Variants in TLE1 observed in about 807,000 individuals in gnomAD.
TLE1 encodes the protein transducin-like enhancer protein 1.
A neutral mutation model predicts 89.8 loss-of-function variants in TLE1; 21 were observed. The observed-to-expected ratio is 0.23, with a 90% CI of 0.17 to 0.34. The LOEUF (loss-of-function observed/expected upper bound fraction) is 0.34. TLE1 is among the 10% of genes least tolerant of loss of function. The pLI, the probability that TLE1 is intolerant of heterozygous loss-of-function variation, is 1.00. For synonymous variants in TLE1, 447 were observed against 407.6 expected (o/e 1.10, Z -1.16); for missense variants, 795 against 1,031.2 (o/e 0.77, Z 3.14).
chr9:81,637,769 C>T (rs1372858484), intron 6 of TLE1, among the ~76,000 whole-genome samples: 2 of 150,930 alleles, frequency 1.3e-5, no homozygotes, highest in African/African-American at 4.9e-5. Flanking sequence ...ACCTCATATT[C>T]GACTTCTTGT....
At chr9:81,593,838 G>A (rs1374947823) in intron 14 of TLE1, among the ~76,000 whole-genome samples, 2 of 152,120 alleles carry the variant, frequency 1.3e-5, no homozygotes, top group South Asian at 2.1e-4. Context: ...ATCTTATATG[G>A]CTGTAAACAG....
intron 1 of TLE1, among the ~76,000 whole-genome samples, chr9:81,687,956 G>A (rs1019271238): frequency 2.0e-5 from 3 of 152,114 alleles, no homozygotes; most frequent in African/African-American, 4.8e-5. Context: ...TATGGCTGCA[G>A]GAGAGAAACC....
chr9:81,585,466 G>T, intron 18 of TLE1, 39 bp downstream of exon 18: 2 of 1,591,432 alleles, frequency 1.3e-6, no homozygotes, highest in Non-Finnish European at 1.7e-6. Context: ...TTCCATTTGG[G>T]CCATCAACGG....
intron 6 of TLE1, among the ~76,000 whole-genome samples, chr9:81,650,572 G>A (rs1423375857): frequency 2.0e-5 from 3 of 152,158 alleles, no homozygotes; most frequent in Admixed American, 2.0e-4. Context: ...GTGAATATTT[G>A]ATTTGATCTC....
intron 14 of TLE1, among the ~76,000 whole-genome samples, chr9:81,595,452 A>G (rs141546510): frequency 1.9e-3 from 295 of 152,334 alleles, no homozygotes; most frequent in African/African-American, 6.8e-3. Flanking sequence ...ATCAGGCTCC[A>G]TACTCTGGGT....
chr9:81,601,808 G>C (rs892567586), intron 14 of TLE1, among the ~76,000 whole-genome samples: 1 of 152,048 alleles, frequency 6.6e-6, no homozygotes, highest in Non-Finnish European at 1.5e-5. Context: ...TCGAAAATGC[G>C]AACAAGGGAT....
chr9:81,625,467 T>C (rs1409348621), intron 8 of TLE1, among the ~76,000 whole-genome samples: 1 of 152,242 alleles, frequency 6.6e-6, no homozygotes, highest in Non-Finnish European at 1.5e-5. Context: ...GATCTTTCCC[T>C]GTGGTAGCTC....
At chr9:81,685,271 G>A (rs1312636243) in intron 4 of TLE1, among the ~76,000 whole-genome samples, 1 of 151,950 alleles carries the variant, frequency 6.6e-6, no homozygotes, top group Non-Finnish European at 1.5e-5. Context: ...AAAAACTCCT[G>A]AATACCCTTC....
At chr9:81,589,067 G>A (rs1008976355) in intron 16 of TLE1, among the ~76,000 whole-genome samples, 7 of 152,136 alleles carry the variant, frequency 4.6e-5, no homozygotes, top group African/African-American at 9.7e-5. Flanking sequence ...TCCTGCGGCC[G>A]TGCAGCTGGA....
chr9:81,673,708 AG>A (rs145243179), intron 4 of TLE1, among the ~76,000 whole-genome samples: 2,976 of 152,086 alleles, frequency 0.02, 99 homozygotes, highest in African/African-American at 0.066. Context: ...TGACACGGGG[AG>A]GGGGCGGCTT....
At chr9:81,670,039 C>T (rs1423723363) in intron 4 of TLE1, among the ~76,000 whole-genome samples, 1 of 152,196 alleles carries the variant, frequency 6.6e-6, no homozygotes, top group Non-Finnish European at 1.5e-5. Context: ...TTTGTTCCAA[C>T]TCGTGTCTCC....
intron 8 of TLE1, among the ~76,000 whole-genome samples, chr9:81,627,528 A>G (rs1826052132): frequency 6.6e-6 from 1 of 152,178 alleles, no homozygotes; most frequent in African/African-American, 2.4e-5. Flanking sequence ...CACAGCAGTG[A>G]TGCCAACTTT....
At chr9:81,634,476 G>T in intron 6 of TLE1, among the ~76,000 whole-genome samples, 175 bp from the exon 7 acceptor site, 1 of 143,878 alleles carries the variant, frequency 7.0e-6, no homozygotes, top group Non-Finnish European at 1.5e-5. Flanking sequence ...GGGAGGAAAG[G>T]GGAAAAAATG....
At chr9:81,596,301 G>A (rs922834684) in intron 14 of TLE1, among the ~76,000 whole-genome samples, 1 of 152,162 alleles carries the variant, frequency 6.6e-6, no homozygotes, top group Non-Finnish European at 1.5e-5. Flanking sequence ...CCCACGGGAA[G>A]CCCATATGGA....
chr9:81,674,699 A>AG (rs1832669721), intron 4 of TLE1, among the ~76,000 whole-genome samples: 1 of 152,216 alleles, frequency 6.6e-6, no homozygotes. Flanking sequence ...TTGTAAGGGG[A>AG]GTCCAGCTTT....
At chr9:81,622,217 C>T (rs1825357816) in intron 8 of TLE1, among the ~76,000 whole-genome samples, 1 of 152,208 alleles carries the variant, frequency 6.6e-6, no homozygotes. Flanking sequence ...TTTACTTCAG[C>T]CCCGAGGTCT....
At chr9:81,640,597 G>C (rs1200084130) in intron 6 of TLE1, among the ~76,000 whole-genome samples, 1 of 152,122 alleles carries the variant, frequency 6.6e-6, no homozygotes, top group African/African-American at 2.4e-5. Flanking sequence ...GCCAAACCCT[G>C]AGTTAATGAT....
chr9:81,642,677 G>C (rs1419826888), intron 6 of TLE1, among the ~76,000 whole-genome samples: 1 of 151,068 alleles, frequency 6.6e-6, no homozygotes, highest in Non-Finnish European at 1.5e-5. Flanking sequence ...CTGGGTGACA[G>C]AGTGAGACTC....
intron 4 of TLE1, among the ~76,000 whole-genome samples, chr9:81,668,650 GA>G (rs1831817018): frequency 6.6e-6 from 1 of 152,102 alleles, no homozygotes; most frequent in Non-Finnish European, 1.5e-5. Context: ...GTATGGGACA[GA>G]ATCTATTCAG....
Sources: allele counts gnomAD v4.1 joint callset (sites outside exome capture counted in the v4.1 genomes callset), GRCh38; gene constraint gnomAD v4.1.1; transcripts MANE v1.5; gene names NCBI Gene and HGNC (gene_info 2026-07-23, HGNC 2026-07-21).